TTC28: variants seen among roughly 807,000 people sequenced by gnomAD.
TTC28 encodes the protein tetratricopeptide repeat domain 28, also known as tetratricopeptide repeat protein 28.
Under a neutral mutation model 198.0 loss-of-function variants are expected in TTC28, and 61 were observed. The ratio of observed to expected loss-of-function variants is 0.31; its 90% CI spans 0.25 to 0.38. The LOEUF is 0.38. Ranked by LOEUF, TTC28 falls within the 10% of genes least tolerant of loss-of-function variation. TTC28 has a pLI of 1.00. For missense variants in TTC28, 2,678 were observed against 3,164.0 expected, an observed-to-expected ratio of 0.85 and a Z score of 3.69; for synonymous variants, 1,171 against 1,297.8, an observed-to-expected ratio of 0.90 and a Z score of 2.10.
At chr22:28,632,273 T>TTTC (rs1165032380) in intron 1 of TTC28, among the ~76,000 whole-genome samples, 1 of 139,462 alleles carries the variant, frequency 7.2e-6, no homozygotes, top group Non-Finnish European at 1.6e-5. Context: ...TTTTTTTTTT[T>TTTC]TTTTTTTTTT....
At chr22:28,371,260 G>T (rs937808363) in intron 2 of TTC28, among the ~76,000 whole-genome samples, 1 of 151,474 alleles carries the variant, frequency 6.6e-6, no homozygotes, top group African/African-American at 2.4e-5. Flanking sequence ...GCTCATGGCT[G>T]TAGTCCCAGC....
chr22:28,389,433 G>C (rs958706792), intron 2 of TTC28, among the ~76,000 whole-genome samples: 49 of 150,922 alleles, frequency 3.2e-4, no homozygotes, highest in African/African-American at 1.1e-3. Flanking sequence ...GTTCCTCCTT[G>C]TACCTCTGGT....
intron 2 of TTC28, among the ~76,000 whole-genome samples, chr22:28,353,130 C>T (rs887770296): frequency 1.3e-5 from 2 of 152,024 alleles, no homozygotes; most frequent in African/African-American, 2.4e-5. Context: ...GAAAAGAATA[C>T]GTTGAGACAA....
chr22:28,239,791 C>T (rs916328517), intron 5 of TTC28, among the ~76,000 whole-genome samples: 2 of 152,058 alleles, frequency 1.3e-5, no homozygotes, highest in African/African-American at 4.8e-5. Context: ...AAGATGAGGA[C>T]CTTGAGCCCC....
intron 2 of TTC28, among the ~76,000 whole-genome samples, chr22:28,441,192 T>C (rs566715863): frequency 6.6e-6 from 1 of 152,340 alleles, no homozygotes; most frequent in South Asian, 2.1e-4. Context: ...CCAGAGGGGT[T>C]TCCACAGACA....
At chr22:27,999,650 G>A (rs1937620251) in intron 15 of TTC28, 2 of 189,758 alleles carry the variant, frequency 1.1e-5, no homozygotes, top group Non-Finnish European at 2.2e-5. Flanking sequence ...TGATAAGTCA[G>A]GGGCTTTGAA....
chr22:28,531,036 A>C (rs2049124273), intron 2 of TTC28, among the ~76,000 whole-genome samples: 1 of 152,214 alleles, frequency 6.6e-6, no homozygotes, highest in African/African-American at 2.4e-5. Context: ...TCATAATGAC[A>C]GGATCAAATT....
At chr22:28,501,948 G>C (rs1040663968) in intron 2 of TTC28, among the ~76,000 whole-genome samples, 5 of 152,132 alleles carry the variant, frequency 3.3e-5, no homozygotes, top group Admixed American at 3.3e-4. Flanking sequence ...AGGTTTTAAA[G>C]TGTGTTCTGA....
intron 6 of TTC28, among the ~76,000 whole-genome samples, chr22:28,122,333 T>A (rs888826664): frequency 6.6e-6 from 1 of 152,226 alleles, no homozygotes; most frequent in Non-Finnish European, 1.5e-5. Flanking sequence ...TCCTTAAACC[T>A]CTGAACCAAT....
intron 2 of TTC28, among the ~76,000 whole-genome samples, chr22:28,324,769 C>G (rs964850860): frequency 2.6e-5 from 4 of 152,088 alleles, no homozygotes; most frequent in Non-Finnish European, 5.9e-5. Flanking sequence ...TATGACAAAC[C>G]TACAGCCAAT....
At chr22:28,330,740 AG>A (rs1160961498) in intron 2 of TTC28, among the ~76,000 whole-genome samples, 5 of 152,176 alleles carry the variant, frequency 3.3e-5, no homozygotes, top group Non-Finnish European at 7.4e-5. Context: ...CAGTGCAAAG[AG>A]GGTATATAAG....
chr22:27,996,312 C>T (rs981647486), intron 16 of TTC28, 53 bp from the exon 17 acceptor site: 1 of 1,532,306 alleles, frequency 6.5e-7, no homozygotes, highest in African/African-American at 1.4e-5. Flanking sequence ...ACCCCCAGCC[C>T]CACCCCGGCT....
intron 2 of TTC28, among the ~76,000 whole-genome samples, chr22:28,498,829 G>C (rs1402837455): frequency 2.0e-5 from 3 of 152,116 alleles, no homozygotes; most frequent in African/African-American, 7.2e-5. Context: ...AAGAAATGTA[G>C]AGAAGTGTAA....
intron 2 of TTC28, among the ~76,000 whole-genome samples, chr22:28,418,138 C>T (rs1601369516): frequency 6.6e-6 from 1 of 152,170 alleles, no homozygotes; most frequent in African/African-American, 2.4e-5. Flanking sequence ...TTTCTTCTCA[C>T]TAATTATCCC....
intron 2 of TTC28, among the ~76,000 whole-genome samples, chr22:28,610,356 C>T (rs752035506): frequency 2.6e-5 from 4 of 152,124 alleles, no homozygotes; most frequent in Non-Finnish European, 2.9e-5. Flanking sequence ...TGGCATCTGG[C>T]GGGTGCCCCT....
At chr22:28,198,627 A>G (rs1266473433) in intron 5 of TTC28, among the ~76,000 whole-genome samples, 2 of 152,136 alleles carry the variant, frequency 1.3e-5, no homozygotes, top group African/African-American at 4.8e-5. Context: ...ACACACAAAG[A>G]AAGTTTGGTT....
Position 28,446,123 on chromosome 22 carries a change from G to A in TTC28, c.382-139480C>T, listed in dbSNP as rs550543640. ...GTTCAAAATACAAAATAAAAATACC[G>A]AGCCGGTATCTAAAATACAAGTATG... On this transcript the variant is annotated intron_variant, in intron 2 of 22. Coordinates refer to ENST00000397906, the MANE Select transcript of TTC28 (RefSeq NM_001145418.2). Among the ~76,000 whole-genome samples, 43 of 152,222 alleles carry A rather than the reference G, an allele frequency of 2.8e-4. No individual in the cohort carries two copies. In the East Asian group the frequency reaches 4.8e-3, roughly 17 times the overall value.
intron 5 of TTC28, among the ~76,000 whole-genome samples, chr22:28,275,818 G>A (rs371347395): frequency 8.6e-5 from 13 of 152,004 alleles, no homozygotes; most frequent in African/African-American, 2.4e-4. Context: ...TTCTGATGCT[G>A]AAATGGTGAG....
chr22:28,568,292 T>C (rs1481818340), intron 2 of TTC28, among the ~76,000 whole-genome samples: 1 of 152,202 alleles, frequency 6.6e-6, no homozygotes, highest in Non-Finnish European at 1.5e-5. Flanking sequence ...AAGGTGGTGA[T>C]TGTTGCACAA....
Sources: gnomAD v4.1 joint callset for allele counts (sites outside exome capture counted in the v4.1 genomes callset) on GRCh38, gnomAD v4.1.1 for gene constraint, MANE v1.5 for transcripts, NCBI Gene and HGNC (gene_info 2026-07-23, HGNC 2026-07-21) for gene names.